Variants in MKI67 observed in about 807,000 individuals in gnomAD.
MKI67 encodes marker of proliferation Ki-67.
In MKI67, 152 loss-of-function variants were observed where a neutral mutation model predicts 233.5. That is an observed-to-expected ratio of 0.65 (90% CI 0.57 to 0.74). MKI67 has a LOEUF of 0.74. MKI67 is among the 30% of genes least tolerant of loss of function. MKI67 has a pLI of 0.00. For synonymous variants in MKI67, 1,465 were observed against 1,418.5 expected, an observed-to-expected ratio of 1.03 and a Z score of -0.74; for missense variants, 3,940 against 3,885.2, an observed-to-expected ratio of 1.01 and a Z score of -0.37.
At position 128,114,285 on chromosome 10, in the gene MKI67, C is replaced by A. The variant is rs185783577; in HGVS notation, c.1480+643G>T. On this transcript the variant is annotated intron_variant, in intron 7 of 14. Transcript: ENST00000368654. ...AGTGTAGGAAGCTCCCGAGGAGCTA[C>A]CACACCTGCTATAAAGGTCCTACCT... 4.6e-5 allele frequency among the ~76,000 whole-genome samples: 7 copies of A among 152,296 alleles called. No individual in the cohort carries two copies. In the East Asian group the frequency reaches 1.2e-3, roughly 25 times the overall value.
In MKI67 at chr10:128,106,598, G is replaced by C. The variant is rs377062484; in HGVS notation, c.5242C>G (p.Pro1748Ala). ...TTGGGCTGTGGCTTGGAGCTTGTTG[G>C]GGTGTCCACTAGGTCTGGCTGTGAA... Reference protein sequence around the residue: ...RASQPDLVDTPTSSKPQPKRS... With the variant: ...RASQPDLVDTATSSKPQPKRS... The change falls in exon 13 of 15, where the codon CCA becomes GCA. Residue 1748 changes from proline (P) to alanine (A), a missense_variant. Transcript: ENST00000368654. 17 of 1,614,102 alleles carry C rather than the reference G, an allele frequency of 1.1e-5. No individual in the cohort carries two copies. The highest frequency in any genetic ancestry group is 1.4e-5 in the Non-Finnish European group (17 of 1,180,050).
Position 128,101,550 on chromosome 10 carries a change from T to C in MKI67, c.9413A>G (p.Asp3138Gly). The stretch of plus-strand genomic sequence containing the variant: ...TCTAGGTATGGGTTTCCGGGCTCCA[T>C]CATCTGGATTCTGAATGTCCATCTC... Reference protein sequence around the residue: ...SPEMDIQNPDDGARKPIPRDK... With the variant: ...SPEMDIQNPDGGARKPIPRDK... Residue 3138 changes from aspartate to glycine, a missense_variant, in exon 14 of 15, where the codon GAT becomes GGT. Coordinates refer to ENST00000368654, the MANE Select transcript of MKI67 (RefSeq NM_002417.5). The C allele has an allele frequency of 6.2e-7, 1 of 1,614,252 alleles. No individual in the cohort carries two copies. The highest frequency in any genetic ancestry group is 8.5e-7 in the Non-Finnish European group (1 of 1,180,046).
intron 4 of MKI67, 53 bp from the exon 5 acceptor site, chr10:128,119,372 G>A (rs186440264): frequency 9.1e-4 from 1,177 of 1,297,694 alleles, no homozygotes; most frequent in Middle Eastern, 2.6e-3. Flanking sequence ...ACCCTGGGGC[G>A]GAAGTCTCCA....
rs1374789613 is a variant in MKI67 at position 128,102,765 on chromosome 10, C to A, written c.9075G>T (p.Leu3025=). Residue 3025 remains leucine (L), a synonymous_variant, in exon 13 of 15, where the codon CTG becomes CTT. Transcript: ENST00000368654. The part of the protein sequence containing the change: ...MPAPEEIVEE[L]PASKKQRVAP... Reference sequence around the variant, plus strand: ...CAACCCTCTGCTTCTTGCTGGCTGGCAGCTCCTCCACAATTTCCTCTGGTG... The same window carrying A: ...CAACCCTCTGCTTCTTGCTGGCTGGAAGCTCCTCCACAATTTCCTCTGGTG... 3.7e-6 allele frequency: 6 copies of A among 1,614,118 alleles called. No homozygotes were observed. Among genetic ancestry groups the A allele is most frequent in the Non-Finnish European group, 5.1e-6 (6 of 1,180,062 alleles).
chr10:128,109,118 C>T lies in MKI67; in HGVS notation c.2722G>A (p.Gly908Ser). The change falls in exon 13 of 15, where the codon GGT becomes AGT. Residue 908 changes from glycine to serine, a missense_variant. Gly to Ser is a moderately conservative substitution (Grantham distance 56, BLOSUM62 0). Transcript: ENST00000368654. ...TGTTGTAGTAGTGTTGCCTTCTGAC[C>T]TCTTTTTAGGATGCACTCAACAATT... is the stretch of plus-strand genomic sequence containing the variant. ...TEIVECILKR[G>S]QKATLLQQRR... 1.9e-6 allele frequency: 3 copies of T among 1,614,118 alleles called. No individual in the cohort carries two copies. Among genetic ancestry groups the T allele is most frequent in the Non-Finnish European group, 2.5e-6 (3 of 1,180,018 alleles).
Position 128,103,483 on chromosome 10 carries a change from C to T in MKI67, c.8357G>A (p.Arg2786Gln), listed in dbSNP as rs10764749. 0.24 allele frequency: 383,190 copies of T among 1,613,360 alleles called. 47,168 individuals are homozygous for T. Among genetic ancestry groups the T allele is most frequent in the Admixed American group, 0.31 (18,404 of 59,960 alleles). Residue 2786 changes from arginine to glutamine, a missense_variant, in exon 13 of 15, where the codon CGG becomes CAG. By Grantham distance (43) the Arg-to-Gln change is conservative (BLOSUM62 1). Transcript: ENST00000368654. ...GGCACTTTCCCTGGGTGCTCTTGGCCGTCTCCTGCTGCCAGTTACACTTGC... is the reference window on the plus strand; with the variant it reads ...GGCACTTTCCCTGGGTGCTCTTGGCTGTCTCCTGCTGCCAGTTACACTTGC... ...PAASVTGSRRRPRAPRESAQA... is the reference protein window; with the variant it reads ...PAASVTGSRRQPRAPRESAQA...
Position 128,106,270 on chromosome 10 carries a change from A to G in MKI67, c.5570T>C (p.Ile1857Thr). 6.2e-7 allele frequency: 1 copy of G among 1,613,136 alleles called. No individual in the cohort carries two copies. Residue 1857 changes from isoleucine to threonine, a missense_variant, in exon 13 of 15, where the codon ATA becomes ACA. By Grantham distance (89) the Ile-to-Thr change is moderately conservative. Coordinates refer to ENST00000368654, the MANE Select transcript of MKI67 (RefSeq NM_002417.5). The stretch of plus-strand genomic sequence containing the variant: ...GTCTGATTGCGGAGATTTGCAGAGT[A>G]TTTTTTTGGTAGTTTTCTCATCAGT... ...PTTDEKTTKK[I>T]LCKSPQSDPA...
chr10:128,106,287 C>A lies in MKI67; in HGVS notation c.5553G>T (p.Glu1851Asp). The change falls in exon 13 of 15, where the codon GAG becomes GAT. Residue 1851 changes from glutamate (E) to aspartate (D), a missense_variant. Glu to Asp is a conservative substitution (Grantham distance 45). Transcript: ENST00000368654. The part of the protein sequence containing the change: ...TPCTDNPTTD[E>D]KTTKKILCKS... ...TGCAGAGTATTTTTTTGGTAGTTTT[C>A]TCATCAGTCGTGGGGTTATCAGTGC... 3 of 1,612,894 alleles carry A rather than the reference C, an allele frequency of 1.9e-6. No homozygotes were observed. Among genetic ancestry groups the A allele is most frequent in the African/African-American group, 1.3e-5 (1 of 74,564 alleles).
chr10:128,106,765 C>G lies in MKI67; in HGVS notation c.5075G>C (p.Gly1692Ala), dbSNP rs1366664252. ...AGGAGTTCTCAGCTGCCTCTTGCTGCCAGTTAGACTTGCTGCTGAGTCTAA... is the reference window on the plus strand; with the variant it reads ...AGGAGTTCTCAGCTGCCTCTTGCTGGCAGTTAGACTTGCTGCTGAGTCTAA... ...QILDSAASLTGSKRQLRTPKG... is the reference protein window; with the variant it reads ...QILDSAASLTASKRQLRTPKG... The change falls in exon 13 of 15, where the codon GGC becomes GCC. Residue 1692 changes from glycine to alanine, a missense_variant. Coordinates refer to ENST00000368654, the MANE Select transcript of MKI67 (RefSeq NM_002417.5). The G allele has an allele frequency of 1.2e-6, 2 of 1,613,904 alleles. No homozygotes were observed. The highest frequency in any genetic ancestry group is 2.7e-5 in the African/African-American group (2 of 74,868).
Position 128,106,001 on chromosome 10 carries a change from T to C in MKI67, c.5839A>G (p.Lys1947Glu), listed in dbSNP as rs141293361. The C allele has an allele frequency of 4.2e-5, 67 of 1,614,076 alleles. No homozygotes were observed. The African/African-American group carries it at 5.7e-4, about 14-fold the overall frequency. Residue 1947 changes from lysine to glutamate, a missense_variant, in exon 13 of 15, where the codon AAG (lysine) becomes GAG (glutamate). By Grantham distance (56) the Lys-to-Glu change is moderately conservative. Transcript: ENST00000368654. ...SKRRPQTPKE[K>E]AKALEDLAGF... The stretch of plus-strand genomic sequence containing the variant: ...GCCAGATCTTCTAGAGCCTTGGCCT[T>C]TTCTTTAGGAGTTTGTGGCCGTCTC...
Position 128,115,614 on chromosome 10 carries a change from C to T in MKI67, c.794G>A (p.Gly265Glu), listed in dbSNP as rs142705663. The T allele has an allele frequency of 6.2e-7, 1 of 1,614,138 alleles. No homozygotes were observed. The highest frequency in any genetic ancestry group is 8.5e-7 in the Non-Finnish European group (1 of 1,180,020). Residue 265 changes from glycine (G) to glutamate (E), a missense_variant, in exon 7 of 15, where the codon GGA becomes GAA. By Grantham distance (98) the Gly-to-Glu change is moderately conservative (BLOSUM62 -2). Transcript: ENST00000368654. ...CTCTGTTGCGTAATCAGTTTGTAAT[C>T]CAGATTTTCTACAATACTGTAGGAC... ...ENVLQYCRKS[G>E]LQTDYATEKE...
At position 128,125,970 on chromosome 10, in the gene MKI67, G is replaced by A. The variant is rs577898104; in HGVS notation, c.-90+129C>T. ...TGGGAGCTTCCACCGAGACGCCCTC[G>A]CCAGAGCCCAGGAGGAGTCGGGCCC... On this transcript the variant is annotated intron_variant, in intron 1 of 14. Transcript: ENST00000368654. This position sits in a 1 kb window ranked among gnomAD's most constrained non-coding sequence, Gnocchi z 5.3. 5 of 415,526 alleles carry A rather than the reference G, an allele frequency of 1.2e-5. No homozygotes were observed. The highest frequency in any genetic ancestry group is 1.0e-4 in the African/African-American group (5 of 48,250). The allele number at this position is 415,526 out of a possible 1,614,324, so 25.7% of individuals were successfully genotyped here.
At chr10:128,111,352 T>A (rs547710547) in intron 11 of MKI67, among the ~76,000 whole-genome samples, 14 of 152,356 alleles carry the variant, frequency 9.2e-5, no homozygotes, top group African/African-American at 3.4e-4. Flanking sequence ...CTCTTCACTG[T>A]AAAGCACCTT....
At chr10:128,100,761 C>T (rs1456774343) in intron 14 of MKI67, among the ~76,000 whole-genome samples, 3 of 152,142 alleles carry the variant, frequency 2.0e-5, no homozygotes, top group East Asian at 1.9e-4. Context: ...GGAGGGCAGA[C>T]GCATCCCCCA....
Position 128,104,924 on chromosome 10 carries a change from G to A in MKI67, c.6916C>T (p.Pro2306Ser), listed in dbSNP as rs1410763937. The change falls in exon 13 of 15, where the codon CCT becomes TCT. Residue 2306 changes from proline to serine, a missense_variant. Pro to Ser is a moderately conservative substitution (Grantham distance 74). Coordinates refer to ENST00000368654, the MANE Select transcript of MKI67 (RefSeq NM_002417.5). The part of the protein sequence containing the change: ...LPGSKRWPQT[P>S]KEKAQALEDL... ...TCTAGAGCCTGGGCCTTTTCCTTAG[G>A]AGTTTGTGGCCATCTTTTGCTGCCA... 1 of 1,612,508 alleles carries A rather than the reference G, an allele frequency of 6.2e-7. No homozygotes were observed. The highest frequency in any genetic ancestry group is 1.7e-5 in the Admixed American group (1 of 59,788).
chr10:128,125,456 A>C lies in MKI67; in HGVS notation c.92+120T>G. 1.3e-6 allele frequency: 1 copy of C among 775,318 alleles called. No homozygotes were observed. Among genetic ancestry groups the C allele is most frequent in the East Asian group, 2.4e-5 (1 of 40,870 alleles). The allele number at this position is 775,318 out of a possible 1,614,324, so 48.0% of individuals were successfully genotyped here. Reference sequence around the variant, plus strand: ...TGTCAACTTAGTAACGAATGGGAGAAGCACCAAGGAAAAGTGACGGCAGGA... The same window carrying C: ...TGTCAACTTAGTAACGAATGGGAGACGCACCAAGGAAAAGTGACGGCAGGA... On this transcript the variant is annotated intron_variant, in intron 2 of 14. Coordinates refer to ENST00000368654, the MANE Select transcript of MKI67 (RefSeq NM_002417.5). This position sits in a 1 kb window ranked among gnomAD's most constrained non-coding sequence, Gnocchi z 5.3.
chr10:128,121,904 T>G (rs942338002), intron 4 of MKI67, among the ~76,000 whole-genome samples: 1 of 152,084 alleles, frequency 6.6e-6, no homozygotes, highest in African/African-American at 2.4e-5. Context: ...CACAAATGTA[T>G]ACATTCTTGT....
Position 128,109,225 on chromosome 10 carries a change from G to A in MKI67, c.2615C>T (p.Ala872Val), listed in dbSNP as rs2853344. 0.086 allele frequency: 139,013 copies of A among 1,613,988 alleles called. 6,729 individuals carry two copies. The highest frequency in any genetic ancestry group is 0.1 in the Non-Finnish European group (117,991 of 1,179,916). Reference protein sequence around the residue: ...ETEPSKTVSTANRSGRSTEFR... With the variant: ...ETEPSKTVSTVNRSGRSTEFR... ...CTCTGTAGACCTTCCTGACCTGTTTGCAGTGGATACTGTTTTTGAAGGCTC... is the reference window on the plus strand; with the variant it reads ...CTCTGTAGACCTTCCTGACCTGTTTACAGTGGATACTGTTTTTGAAGGCTC... The change falls in exon 13 of 15, where the codon GCA becomes GTA. Residue 872 changes from alanine (A) to valine (V), a missense_variant. By Grantham distance (64) the Ala-to-Val change is moderately conservative. Transcript: ENST00000368654.
intron 2 of MKI67, among the ~76,000 whole-genome samples, chr10:128,124,133 A>T (rs960762579): frequency 6.6e-6 from 1 of 152,244 alleles, no homozygotes; most frequent in African/African-American, 2.4e-5. Flanking sequence ...ATAAAAAAGC[A>T]AAAGGACTGC....
Sources: allele counts gnomAD v4.1 joint callset (sites outside exome capture counted in the v4.1 genomes callset), GRCh38; gene constraint gnomAD v4.1.1; non-coding constraint Gnocchi (gnomAD v3.1); transcripts MANE v1.5; gene names NCBI Gene and HGNC (gene_info 2026-07-23, HGNC 2026-07-21).